NALF2: variants seen among roughly 807,000 people sequenced by gnomAD.
NALF2 encodes the protein bB57D9.1 (TED protein).
Under a neutral mutation model 24.8 loss-of-function variants are expected in NALF2, and 1 was observed. That is an observed-to-expected ratio of 0.04 (90% CI 0.01 to 0.19). NALF2 has a LOEUF of 0.19. NALF2 is among the 10% of genes least tolerant of loss of function. The pLI is 1.00. For missense variants in NALF2, 458 were observed against 409.6 expected (o/e 1.12, Z -1.02); for synonymous variants, 254 against 189.8 (o/e 1.34, Z -2.78).
intron 1 of NALF2, among the ~76,000 whole-genome samples, chrX:69,506,987 C>T (rs1217393248): frequency 8.9e-6 from 1 of 111,981 alleles, no homozygotes; most frequent in Admixed American, 9.4e-5. Flanking sequence ...TCTTGACCCT[C>T]GGCGGGGTTG....
rs1245286142 is a variant in NALF2, at chrX:69,505,294, C to T, written c.12C>T (p.Gly4=). 8.7e-7 allele frequency: 1 copy of T among 1,154,488 alleles called. No individual in the cohort carries two copies. Among genetic ancestry groups the T allele is most frequent in the South Asian group, 2.0e-5 (1 of 51,233 alleles). ...GACCCCCCTGAAATATGTTCAGGGG[C>T]GCTTGGATGTGGCCCGGGAAAGACG... is the stretch of plus-strand genomic sequence containing the variant. MFR[G]AWMWPGKDAA... is the part of the protein sequence containing the mutation. The change falls in exon 1 of 3, where the codon GGC becomes GGT. Residue 4 remains glycine, a synonymous_variant. Transcript: ENST00000252338.
Position 69,529,146 on chromosome X carries a change from C to T in NALF2, c.1015C>T (p.Pro339Ser). ...DNEEMVYGGL[P>S]GFICTGLLDT... is the part of the protein sequence containing the mutation. Reference sequence around the variant, plus strand: ...TGAGGAAATGGTGTACGGAGGGCTCCCTGGCTTTATCTGTACAGGTAAAGG... The same window carrying T: ...TGAGGAAATGGTGTACGGAGGGCTCTCTGGCTTTATCTGTACAGGTAAAGG... The change falls in exon 2 of 3, where the codon CCT (proline) becomes TCT (serine). Residue 339 changes from proline to serine, a missense_variant. Transcript: ENST00000252338. 8.3e-7 allele frequency: 1 copy of T among 1,209,452 alleles called. No homozygotes were observed. The highest frequency in any genetic ancestry group is 1.1e-6 in the Non-Finnish European group (1 of 894,433).
rs946884243 is a variant in NALF2, at chrX:69,505,334, A to C, written c.52A>C (p.Ile18Leu). The C allele has an allele frequency of 9.0e-5, 104 of 1,154,169 alleles. No individual in the cohort carries two copies. The highest frequency in any genetic ancestry group is 1.1e-4 in the Non-Finnish European group (96 of 867,381). The part of the protein sequence containing the change: ...WPGKDAAALT[I>L]CCCCCCWAPR... ...CGGGAAAGACGCCGCCGCGCTGACTATCTGCTGCTGCTGCTGCTGCTGGGC... is the reference window on the plus strand; with the variant it reads ...CGGGAAAGACGCCGCCGCGCTGACTCTCTGCTGCTGCTGCTGCTGCTGGGC... Residue 18 changes from isoleucine to leucine, a missense_variant, in exon 1 of 3, where the codon ATC becomes CTC. Ile to Leu is a conservative substitution (Grantham distance 5). Coordinates refer to ENST00000252338, the MANE Select transcript of NALF2 (RefSeq NM_015686.3).
At chrX:69,522,653 A>G (rs1930749225) in intron 1 of NALF2, among the ~76,000 whole-genome samples, 1 of 112,379 alleles carries the variant, frequency 8.9e-6, no homozygotes, top group African/African-American at 3.2e-5. Flanking sequence ...TACCAATCCC[A>G]GTGAACTACT....
At position 69,505,827 on chromosome X, in the gene NALF2, C is replaced by T; in HGVS notation, c.545C>T (p.Ala182Val). ...CGTGCCCCGGCCGAGTTCCCCTCCG[C>T]CAAAAAAAACTTGCTCAAAGGCCAC... ...LSRAPAEFPS[A>V]KKNLLKGHFR... The change falls in exon 1 of 3, where the codon GCC becomes GTC. Residue 182 changes from alanine (A) to valine (V), a missense_variant. By Grantham distance (64) the Ala-to-Val change is moderately conservative. Coordinates refer to ENST00000252338, the MANE Select transcript of NALF2 (RefSeq NM_015686.3). The T allele has an allele frequency of 1.7e-6, 2 of 1,211,271 alleles. No individual in the cohort carries two copies. Among genetic ancestry groups the T allele is most frequent in the South Asian group, 1.8e-5 (1 of 56,942 alleles).
chrX:69,527,217 C>G (rs951556317), intron 1 of NALF2, among the ~76,000 whole-genome samples: 1 of 110,812 alleles, frequency 9.0e-6, no homozygotes, highest in African/African-American at 3.3e-5. Flanking sequence ...TTGAGGAGGA[C>G]AGTGGATTGG....
intron 1 of NALF2, among the ~76,000 whole-genome samples, chrX:69,509,839 G>T (rs962425126): frequency 8.9e-6 from 1 of 112,498 alleles, no homozygotes; most frequent in Non-Finnish European, 1.9e-5. Context: ...AAAGTTCTAG[G>T]TTAAAACCTA....
chrX:69,506,799 G>A (rs1478380900), intron 1 of NALF2, among the ~76,000 whole-genome samples: 1 of 112,711 alleles, frequency 8.9e-6, no homozygotes, highest in Non-Finnish European at 1.9e-5. Flanking sequence ...ACAGCGACTG[G>A]TGGGAAGGCC....
At chrX:69,525,636 G>A (rs1452863494) in intron 1 of NALF2, among the ~76,000 whole-genome samples, 10 of 107,875 alleles carry the variant, frequency 9.3e-5, no homozygotes, top group African/African-American at 2.7e-4. Context: ...CTTTCTTACC[G>A]CTTCCTCTTA....
At chrX:69,512,496 T>C in intron 1 of NALF2, among the ~76,000 whole-genome samples, 1 of 111,397 alleles carries the variant, frequency 9.0e-6, no homozygotes, top group Non-Finnish European at 1.9e-5. Context: ...GCCACAAGTC[T>C]GTGCACCAGA....
chrX:69,505,366 G>A lies in NALF2; in HGVS notation c.84G>A (p.Arg28=). The A allele has an allele frequency of 2.6e-6, 3 of 1,158,928 alleles. No individual in the cohort carries two copies. Among genetic ancestry groups the A allele is most frequent in the Middle Eastern group, 2.3e-4 (1 of 4,266 alleles). The change falls in exon 1 of 3, where the codon AGG becomes AGA. Residue 28 remains arginine (R), a synonymous_variant. Coordinates refer to ENST00000252338, the MANE Select transcript of NALF2 (RefSeq NM_015686.3). Reference sequence around the variant, plus strand: ...GCTGCTGCTGCTGCTGGGCTCCCAGGCCGAGCGACAAACCTTGCGCCGACT... The same window carrying A: ...GCTGCTGCTGCTGCTGGGCTCCCAGACCGAGCGACAAACCTTGCGCCGACT... ...ICCCCCCWAP[R]PSDKPCADSE... is the part of the protein sequence containing the mutation.
Position 69,504,912 on chromosome X carries a change from G to C in NALF2, c.-371G>C, listed in dbSNP as rs1428145192. ...AGCCGGGCGGCCGCCGGCGCGGAGTGAAGTGGCACGGAGCCGAGGGCAGCT... is the reference window on the plus strand; with the variant it reads ...AGCCGGGCGGCCGCCGGCGCGGAGTCAAGTGGCACGGAGCCGAGGGCAGCT... On this transcript the variant is annotated 5_prime_UTR_variant, in exon 1 of 3. Coordinates refer to ENST00000252338, the MANE Select transcript of NALF2 (RefSeq NM_015686.3). Among the ~76,000 whole-genome samples, 4 of 107,437 alleles carry C rather than the reference G, an allele frequency of 3.7e-5. No homozygotes were observed. The highest frequency in any genetic ancestry group is 7.8e-5 in the Non-Finnish European group (4 of 51,162). The allele number at this position is 107,437 out of a possible 115,157, so 93.3% of individuals were successfully genotyped here.
intron 1 of NALF2, among the ~76,000 whole-genome samples, chrX:69,521,675 C>T (rs902940645): frequency 1.8e-5 from 2 of 112,124 alleles, no homozygotes; most frequent in Non-Finnish European, 1.9e-5. Context: ...AAAAACAGAA[C>T]GGTTGTATGG....
intron 2 of NALF2, 36 bp from the exon 3 acceptor site, chrX:69,529,535 C>T (rs747824084): frequency 2.2e-5 from 26 of 1,176,165 alleles, no homozygotes; most frequent in Middle Eastern, 2.4e-4. Flanking sequence ...ATCAGCTCCC[C>T]GAGCACCCCA....
chrX:69,506,081 G>C lies in NALF2; in HGVS notation c.799G>C (p.Val267Leu). ...AQEKYDEFDL[V>L]LHKYLQAEEY... Reference sequence around the variant, plus strand: ...GGAAAAATATGACGAGTTCGACCTCGTGCTGCATAAATACTTACAGGCGGA... The same window carrying C: ...GGAAAAATATGACGAGTTCGACCTCCTGCTGCATAAATACTTACAGGCGGA... Residue 267 changes from valine (V) to leucine (L), a missense_variant, in exon 1 of 3, where the codon GTG becomes CTG. By Grantham distance (32) the Val-to-Leu change is conservative. Coordinates refer to ENST00000252338, the MANE Select transcript of NALF2 (RefSeq NM_015686.3). The C allele has an allele frequency of 5.0e-6, 6 of 1,209,667 alleles. No individual in the cohort carries two copies. The highest frequency in any genetic ancestry group is 6.7e-6 in the Non-Finnish European group (6 of 894,317).
rs1289694350 is a variant in NALF2 at position 69,505,579 on chromosome X, G to A, written c.297G>A (p.Leu99=). 3 of 995,722 alleles carry A rather than the reference G, an allele frequency of 3.0e-6. No individual in the cohort carries two copies. In the Admixed American group the frequency reaches 1.8e-4, roughly 58 times the overall value. 82.1% of individuals were successfully genotyped at this position (995,722 alleles called of 1,213,427 possible). A position where few individuals can be genotyped will look rare whatever the true frequency, so the allele number is the denominator to read the frequency against. Residue 99 remains leucine (L), a synonymous_variant, in exon 1 of 3, where the codon CTG becomes CTA. Transcript: ENST00000252338. ...TGCCTCCTCGCGCGGTGCTGCCGCT[G>A]CCGCCGCCGCCGCCCGGCGAGCCCA... ...QPVPPRAVLP[L]PPPPPGEPSA...
Position 69,529,064 on chromosome X carries a change from C to T in NALF2, c.933C>T (p.Pro311=). 8.3e-7 allele frequency: 1 copy of T among 1,211,224 alleles called. No homozygotes were observed. Residue 311 remains proline, a synonymous_variant, in exon 2 of 3, where the codon CCC becomes CCT. Coordinates refer to ENST00000252338, the MANE Select transcript of NALF2 (RefSeq NM_015686.3). ...AGCAGGAATGCCAGCGCTGGGTGCC[C>T]TGCAAGCAATACTGCCTGGAGGTGC... ...VTQQECQRWV[P]CKQYCLEVQT... is the part of the protein sequence containing the mutation.
chrX:69,506,794 G>A (rs187066762), intron 1 of NALF2, among the ~76,000 whole-genome samples: 1 of 112,576 alleles, frequency 8.9e-6, no homozygotes, highest in African/African-American at 3.2e-5. Context: ...AGGGAACAGC[G>A]ACTGGTGGGA....
At position 69,530,087 on chromosome X, in the gene NALF2, T is replaced by TC. The variant is rs1203047525; in HGVS notation, c.*138dup. On this transcript the variant is annotated 3_prime_UTR_variant, in exon 3 of 3. Transcript: ENST00000252338. ...GCGGGGGAAATGGGGGAATGACACA[T>TC]CCCCCCCAACCTACCCCCACCCCAA... is the stretch of plus-strand genomic sequence containing the variant. 1.6e-4 allele frequency: 77 copies of TC among 482,866 alleles called. No homozygotes were observed. Among genetic ancestry groups the TC allele is most frequent in the Middle Eastern group, 6.0e-4 (1 of 1,660 alleles). The allele number at this position is 482,866 out of a possible 1,213,427, so 39.8% of individuals were successfully genotyped here. A position where few individuals can be genotyped will look rare whatever the true frequency, so the allele number is the denominator to read the frequency against.
Sources: gnomAD v4.1 joint callset for allele counts (sites outside exome capture counted in the v4.1 genomes callset) on GRCh38, gnomAD v4.1.1 for gene constraint, MANE v1.5 for transcripts, NCBI Gene and HGNC (gene_info 2026-07-23, HGNC 2026-07-21) for gene names.